The following SLCO4A1 variants were observed in gnomAD, a reference collection of about 807,000 sequenced individuals.
SLCO4A1 encodes colon organic anion transporter.
In SLCO4A1, 51 loss-of-function variants were observed where a neutral mutation model predicts 64.6. That is an observed-to-expected ratio of 0.79 (90% CI 0.63 to 1.00). SLCO4A1 has a LOEUF of 1.00. Ranked by LOEUF, SLCO4A1 falls within the 50% of genes least tolerant of loss-of-function variation. The pLI, the probability that SLCO4A1 is intolerant of heterozygous loss-of-function variation, is 0.00. For missense variants in SLCO4A1, 919 were observed against 980.5 expected (o/e 0.94, Z 0.84); for synonymous variants, 471 against 444.9 (o/e 1.06, Z -0.74).
At chr20:62,652,461 CG>C (rs1187479365) in intron 1 of SLCO4A1, among the ~76,000 whole-genome samples, 2 of 152,300 alleles carry the variant, frequency 1.3e-5, no homozygotes, top group East Asian at 3.9e-4. Flanking sequence ...AGTCCCGCCC[CG>C]GGGCTCTTGC....
chr20:62,670,993 G>A (rs1454860733), intron 11 of SLCO4A1, among the ~76,000 whole-genome samples: 4 of 152,278 alleles, frequency 2.6e-5, no homozygotes, highest in Admixed American at 6.5e-5. Context: ...TGGGCATTGC[G>A]GCAGCATCCG....
intron 2 of SLCO4A1, among the ~76,000 whole-genome samples, chr20:62,679,498 A>C (rs1184798475): frequency 6.6e-6 from 1 of 152,032 alleles, no homozygotes; most frequent in Non-Finnish European, 1.5e-5. Flanking sequence ...GGTAGCTGGA[A>C]GTACAGGCAC....
intron 7 of SLCO4A1, chr20:62,667,463 T>G (rs1337399407): frequency 2.2e-6 from 1 of 455,730 alleles, no homozygotes. Flanking sequence ...ATGTGTTGCC[T>G]GTCCAAAAAC....
At chr20:62,678,624 C>T (rs868245568) in intron 2 of SLCO4A1, among the ~76,000 whole-genome samples, 2 of 151,684 alleles carry the variant, frequency 1.3e-5, no homozygotes, top group Admixed American at 1.3e-4. Flanking sequence ...CTCTTACTCC[C>T]GGGTTCAAGC....
At chr20:62,671,319 G>C (rs1381016792) in intron 11 of SLCO4A1, among the ~76,000 whole-genome samples, 1 of 152,144 alleles carries the variant, frequency 6.6e-6, no homozygotes, top group East Asian at 1.9e-4. Context: ...AGCTGCATGT[G>C]GCCTTTCCCT....
At position 62,658,672 on chromosome 20, in the gene SLCO4A1, C is replaced by T. The variant is rs751282619; in HGVS notation, c.797-5C>T. On this transcript the variant is annotated splice_region_variant and splice_polypyrimidine_tract_variant and intron_variant, in intron 2 of 11. Transcript: ENST00000217159. Reference sequence around the variant, plus strand: ...GCGGCCCTGACGCCTCTGCCTCTCTCGCAGCCATCTTCTACACAGCGGCCA... The same window carrying T: ...GCGGCCCTGACGCCTCTGCCTCTCTTGCAGCCATCTTCTACACAGCGGCCA... 14 of 1,607,812 alleles carry T rather than the reference C, an allele frequency of 8.7e-6. No homozygotes were observed. The highest frequency in any genetic ancestry group is 2.2e-5 in the East Asian group (1 of 44,634).
downstream of SLCO4A1, among the ~76,000 whole-genome samples, chr20:62,689,934 G>A (rs568290960): frequency 2.0e-5 from 3 of 152,344 alleles, no homozygotes; most frequent in South Asian, 4.1e-4. Flanking sequence ...GGGGACCCGC[G>A]TCCCCACCCT....
chr20:62,667,583 C>G lies in SLCO4A1; in HGVS notation c.1473-162C>G, dbSNP rs878953325. The G allele has an allele frequency of 9.1e-5, 69 of 758,458 alleles. No individual in the cohort carries two copies. In the South Asian group the frequency reaches 1.2e-3, roughly 13 times the overall value. The allele number at this position is 758,458 out of a possible 1,614,324, so 47.0% of individuals were successfully genotyped here. On this transcript the variant is annotated intron_variant, in intron 7 of 11. Transcript: ENST00000217159. ...CATTCTATCACCAGAAGGCAGTGCC[C>G]AGTGTGAGTGCCCAGCGTGCTGGGG...
chr20:62,647,992 T>A (rs1222264785), intron 1 of SLCO4A1, among the ~76,000 whole-genome samples: 1 of 152,214 alleles, frequency 6.6e-6, no homozygotes, highest in African/African-American at 2.4e-5. Context: ...CTGGCCCCCA[T>A]GGCCTCCTCC....
downstream of SLCO4A1, among the ~76,000 whole-genome samples, chr20:62,676,969 A>G (rs1601691394): frequency 3.9e-5 from 6 of 152,358 alleles, no homozygotes; most frequent in African/African-American, 1.4e-4. Context: ...AATCAGAAAG[A>G]ATGAAGCCCT....
rs796278417 is a variant in SLCO4A1, at chr20:62,661,657, G to GC, written c.1121+489dup. 8.9e-4 allele frequency among the ~76,000 whole-genome samples: 130 copies of GC among 146,550 alleles called. No homozygotes were observed. The highest frequency in any genetic ancestry group is 2.9e-3 in the African/African-American group (114 of 39,318). On this transcript the variant is annotated intron_variant, in intron 5 of 11. Transcript: ENST00000217159. This position sits in a 1 kb window ranked among gnomAD's most constrained non-coding sequence, Gnocchi z 5.2. ...CGTACCCCCCGGGCCCTGGGATGCT[G>GC]CCCCCCCATCTCCCTCCCTCCCTCA...
intron 2 of SLCO4A1, among the ~76,000 whole-genome samples, chr20:62,657,699 C>T (rs1042718304): frequency 6.6e-6 from 1 of 152,244 alleles, no homozygotes; most frequent in Non-Finnish European, 1.5e-5. Context: ...CCTGAAAGCA[C>T]CATGTTGGCT....
rs1032889393 is a variant in SLCO4A1 at position 62,666,061 on chromosome 20, C to T, written c.1277-319C>T. The T allele has an allele frequency of 1.3e-3, 276 of 215,696 alleles. 1 individual carries two copies. Among genetic ancestry groups the T allele is most frequent in the African/African-American group, 6.0e-3 (264 of 43,722 alleles). The allele number at this position is 215,696 out of a possible 1,614,324, so 13.4% of individuals were successfully genotyped here. A position where few individuals can be genotyped will look rare whatever the true frequency, so the allele number is the denominator to read the frequency against. On this transcript the variant is annotated intron_variant, in intron 6 of 11. Transcript: ENST00000217159. ...ATTGGCTTCCCACTGGGGCAGGGGC[C>T]GCTGACCTTGGAGCACTCTGGGCTC...
chr20:62,680,157 G>A (rs117850286), intron 2 of SLCO4A1, among the ~76,000 whole-genome samples: 3,273 of 152,278 alleles, frequency 0.021, 49 homozygotes, highest in Non-Finnish European at 0.03. Flanking sequence ...TGCTGTATTT[G>A]AAATTTCATT....
At chr20:62,656,080 G>A (rs6011438) in intron 1 of SLCO4A1, among the ~76,000 whole-genome samples, 33,430 of 152,212 alleles carry the variant, frequency 0.22, 3,757 homozygotes, top group African/African-American at 0.27. Context: ...CCGCTGAAGC[G>A]GCAGCTTCTC....
chr20:62,666,360 G>A lies in SLCO4A1; in HGVS notation c.1277-20G>A, dbSNP rs2086438592. The A allele has an allele frequency of 3.1e-6, 5 of 1,609,498 alleles. No homozygotes were observed. Among genetic ancestry groups the A allele is most frequent in the Non-Finnish European group, 4.2e-6 (5 of 1,177,852 alleles). On this transcript the variant is annotated intron_variant, in intron 6 of 11. Coordinates refer to ENST00000217159, the MANE Select transcript of SLCO4A1 (RefSeq NM_016354.4). ...CGGCCCCCTGCCTGAGTCCCTGGCT[G>A]AATCCCTCCCTCTCCCCAGGGTACC... is the stretch of plus-strand genomic sequence containing the variant.
At chr20:62,650,405 T>G (rs2147063707) in intron 1 of SLCO4A1, 1 of 152,280 alleles carries the variant, frequency 6.6e-6, no homozygotes, top group Non-Finnish European at 1.5e-5. Context: ...TTCCAGCCCC[T>G]GAAACTCCCC....
downstream of SLCO4A1, among the ~76,000 whole-genome samples, chr20:62,672,857 C>T (rs1239772444): frequency 6.6e-6 from 1 of 152,202 alleles, no homozygotes; most frequent in Admixed American, 6.5e-5. Context: ...CTGAGCCCTG[C>T]AGCCCCAGGG....
At chr20:62,653,029 C>T (rs563744076) in intron 1 of SLCO4A1, among the ~76,000 whole-genome samples, 1 of 152,368 alleles carries the variant, frequency 6.6e-6, no homozygotes, top group Admixed American at 6.5e-5. Context: ...CCTGGGCCTT[C>T]TTCCCCTACT....
Sources: gnomAD v4.1 joint callset for allele counts (sites outside exome capture counted in the v4.1 genomes callset) on GRCh38, gnomAD v4.1.1 for gene constraint, Gnocchi (gnomAD v3.1) non-coding constraint, MANE v1.5 for transcripts, NCBI Gene and HGNC (gene_info 2026-07-23, HGNC 2026-07-21) for gene names.